USP24: variants seen among roughly 807,000 people sequenced by gnomAD.
USP24 encodes the protein ubiquitin carboxyl-terminal hydrolase 24.
USP24 carries 97 observed loss-of-function variants against 361.6 expected under a neutral mutation model. The observed-to-expected ratio is 0.27, with a 90% CI of 0.23 to 0.32. The LOEUF (loss-of-function observed/expected upper bound fraction) is 0.32, where lower values mean the gene tolerates loss of function less well. USP24 is among the 10% of genes least tolerant of loss of function. USP24 has a pLI of 1.00. For synonymous variants in USP24, 1,098 were observed against 1,124.6 expected, an observed-to-expected ratio of 0.98 and a Z score of 0.47; for missense variants, 2,353 against 3,165.6, an observed-to-expected ratio of 0.74 and a Z score of 6.16.
chr1:55,195,183 T>C (rs1163630958), intron 1 of USP24, among the ~76,000 whole-genome samples: 1 of 152,208 alleles, frequency 6.6e-6, no homozygotes, highest in African/African-American at 2.4e-5. Flanking sequence ...CTCTCCATCC[T>C]CTGATCACAA....
Position 55,154,657 on chromosome 1 carries a change from G to T in USP24, c.1554+14C>A. On this transcript the variant is annotated intron_variant, in intron 13 of 67. Transcript: ENST00000294383. ...AGAAAATTTAAAAGTAAGCAAGTCT[G>T]ACTGAACACGTACCTTCTGAATGAG... 6.2e-7 allele frequency: 1 copy of T among 1,607,706 alleles called. No individual in the cohort carries two copies. The highest frequency in any genetic ancestry group is 1.1e-5 in the South Asian group (1 of 90,020).
At chr1:55,134,525 T>A in intron 28 of USP24, 112 bp from the exon 29 acceptor site, 1 of 940,372 alleles carries the variant, frequency 1.1e-6, no homozygotes, top group Non-Finnish European at 1.6e-6. Context: ...CTGGTCACTG[T>A]AAAGCTTGAG....
chr1:55,075,035 T>C (rs992591733), intron 63 of USP24, among the ~76,000 whole-genome samples: 2 of 152,164 alleles, frequency 1.3e-5, no homozygotes, highest in Non-Finnish European at 2.9e-5. Flanking sequence ...TGTGAAAATA[T>C]GGTTACGCTT....
chr1:55,207,022 T>C (rs1644725131), intron 1 of USP24, among the ~76,000 whole-genome samples: 1 of 151,868 alleles, frequency 6.6e-6, no homozygotes, highest in African/African-American at 2.4e-5. Context: ...ATACAAAAAT[T>C]GGCACACACC....
At chr1:55,193,363 G>A (rs994146626) in intron 1 of USP24, among the ~76,000 whole-genome samples, 4 of 152,108 alleles carry the variant, frequency 2.6e-5, no homozygotes, top group African/African-American at 9.7e-5. Context: ...AGAAACCAAG[G>A]GACAACTGTA....
Position 55,178,069 on chromosome 1 carries a change from C to A in USP24, c.388G>T (p.Glu130Ter). The A allele has an allele frequency of 6.4e-7, 1 of 1,551,568 alleles. No individual in the cohort carries two copies. Among genetic ancestry groups the A allele is most frequent in the Non-Finnish European group, 8.7e-7 (1 of 1,146,884 alleles). The stretch of plus-strand genomic sequence containing the variant: ...TCAGTCAAAACACGGCTTTCCAGTT[C>A]ATATAAATTTGTTGTAGGGAATTCA... ...GIEFPTTNLYELESRVLTDHW... is the reference protein window; with the variant it reads ...GIEFPTTNLY Residue 130 changes from glutamate (E) to a stop codon, truncating the protein, a stop_gained, in exon 2 of 68, where the codon GAA (glutamate) becomes TAA (stop). Transcript: ENST00000294383. LOFTEE classifies it high-confidence loss of function.
At position 55,078,609 on chromosome 1, in the gene USP24, G is replaced by A; in HGVS notation, c.7243C>T (p.Leu2415Phe). Residue 2415 changes from leucine (L) to phenylalanine (F), a missense_variant, in exon 61 of 68, where the codon CTC (leucine) becomes TTC (phenylalanine). Coordinates refer to ENST00000294383, the MANE Select transcript of USP24 (RefSeq NM_015306.3). ...LRELTGSLLALIEMVVYCCFC... is the reference protein window; with the variant it reads ...LRELTGSLLAFIEMVVYCCFC... ...CAGCAGTACACTACCATCTCAATGA[G>A]TGCCAAGAGCGAGCCTGTCAGCTCC... is the stretch of plus-strand genomic sequence containing the variant. The A allele has an allele frequency of 6.2e-7, 1 of 1,611,646 alleles. No individual in the cohort carries two copies. Among genetic ancestry groups the A allele is most frequent in the South Asian group, 1.1e-5 (1 of 90,772 alleles).
intron 1 of USP24, among the ~76,000 whole-genome samples, chr1:55,194,602 A>C (rs1473821370): frequency 6.7e-6 from 1 of 148,700 alleles, no homozygotes; most frequent in African/African-American, 2.5e-5. Flanking sequence ...ACCCTGTCTC[A>C]AAAAAAAAAG....
chr1:55,192,607 G>T (rs545613093), intron 1 of USP24, among the ~76,000 whole-genome samples: 1 of 152,186 alleles, frequency 6.6e-6, no homozygotes, highest in African/African-American at 2.4e-5. Context: ...ATGGGCATTC[G>T]ATTGCAAGTC....
At chr1:55,179,494 A>G (rs1489132553) in intron 1 of USP24, among the ~76,000 whole-genome samples, 1 of 152,156 alleles carries the variant, frequency 6.6e-6, no homozygotes, top group Non-Finnish European at 1.5e-5. Flanking sequence ...CACAAATGCA[A>G]CTGCCTATTT....
intron 38 of USP24, among the ~76,000 whole-genome samples, chr1:55,116,217 T>C (rs992051025): frequency 4.0e-5 from 6 of 151,638 alleles, no homozygotes; most frequent in South Asian, 2.1e-4. Flanking sequence ...AAGGATTCAA[T>C]TGACAACCTA....
At chr1:55,202,004 A>C (rs1049106721) in intron 1 of USP24, among the ~76,000 whole-genome samples, 2 of 152,184 alleles carry the variant, frequency 1.3e-5, no homozygotes, top group African/African-American at 4.8e-5. Flanking sequence ...CACTATGGCA[A>C]GAGGTGAGAG....
intron 49 of USP24, 41 bp from the exon 50 acceptor site, chr1:55,096,663 A>G: frequency 6.3e-7 from 1 of 1,586,438 alleles, no homozygotes; most frequent in Non-Finnish European, 8.5e-7. Flanking sequence ...AGGTTAAAAA[A>G]ATCAACCTCC....
rs558784972 is a variant in USP24 at position 55,167,945 on chromosome 1, T to C, written c.826-1342A>G. On this transcript the variant is annotated intron_variant, in intron 5 of 67. Transcript: ENST00000294383. The stretch of plus-strand genomic sequence containing the variant: ...GAGATAATTGACTCTTCAAGTCTGG[T>C]ATACTCAGAGAAGAGGTTTGGGCCA... Among the ~76,000 whole-genome samples the C allele has an allele frequency of 4.6e-5, 7 of 152,242 alleles. No homozygotes were observed. In the South Asian group the frequency reaches 1.5e-3, roughly 32 times the overall value.
At chr1:55,179,442 A>C (rs1289944912) in intron 1 of USP24, among the ~76,000 whole-genome samples, 2 of 152,144 alleles carry the variant, frequency 1.3e-5, no homozygotes, top group African/African-American at 4.8e-5. Context: ...TGACTCATAC[A>C]TTTCTATCTC....
Position 55,154,272 on chromosome 1 carries a change from G to A in USP24, c.1659C>T (p.Asp553=), listed in dbSNP as rs368608937. 2.1e-4 allele frequency: 342 copies of A among 1,610,026 alleles called. 2 individuals carry two copies. The highest frequency in any genetic ancestry group is 2.6e-4 in the Non-Finnish European group (308 of 1,177,996). ...GAAGGTGAGCCAGTTCCCAGAGTACGTCTAAAACCTACAATAATATTACAT... is the reference window on the plus strand; with the variant it reads ...GAAGGTGAGCCAGTTCCCAGAGTACATCTAAAACCTACAATAATATTACAT... ...RFETTSGKVL[D]VLWELAHLPT... is the part of the protein sequence containing the mutation. The change falls in exon 15 of 68, where the codon GAC becomes GAT. Residue 553 remains aspartate (D), a synonymous_variant. Coordinates refer to ENST00000294383, the MANE Select transcript of USP24 (RefSeq NM_015306.3).
Position 55,073,809 on chromosome 1 carries a change from A to G in USP24, c.7526+19T>C, listed in dbSNP as rs1322427967. Reference sequence around the variant, plus strand: ...AATTAAAACACCATTTCCTCCCTGCATTTTAATTCAATACTTACTTTTGAG... The same window carrying G: ...AATTAAAACACCATTTCCTCCCTGCGTTTTAATTCAATACTTACTTTTGAG... On this transcript the variant is annotated intron_variant, in intron 64 of 67. Transcript: ENST00000294383. The G allele has an allele frequency of 1.9e-6, 3 of 1,555,608 alleles. No individual in the cohort carries two copies. The highest frequency in any genetic ancestry group is 2.4e-5 in the South Asian group (2 of 84,322).
At chr1:55,158,558 T>C (rs1647933199) in intron 10 of USP24, among the ~76,000 whole-genome samples, 1 of 152,282 alleles carries the variant, frequency 6.6e-6, no homozygotes, top group Non-Finnish European at 1.5e-5. Context: ...TTAAGTAAAC[T>C]TACACCTGAA....
intron 62 of USP24, among the ~76,000 whole-genome samples, chr1:55,075,987 A>AAAAAC (rs1273380034): frequency 6.6e-6 from 1 of 152,140 alleles, no homozygotes; most frequent in Non-Finnish European, 1.5e-5. Context: ...AAACAAAACA[A>AAAAAC]AAAACCCAAT....
Sources: allele counts gnomAD v4.1 joint callset (sites outside exome capture counted in the v4.1 genomes callset), GRCh38; gene constraint gnomAD v4.1.1; transcripts MANE v1.5; gene names NCBI Gene and HGNC (gene_info 2026-07-23, HGNC 2026-07-21).